The following CNTN4 variants were observed in gnomAD, a reference collection of about 807,000 sequenced individuals.
The protein encoded by CNTN4 is contactin 4, also known as contactin-4.
CNTN4 carries 77 observed loss-of-function variants against 122.5 expected under a neutral mutation model. The observed-to-expected ratio is 0.63, with a 90% confidence interval of 0.52 to 0.76. The LOEUF (loss-of-function observed/expected upper bound fraction) is 0.76. CNTN4 is among the 30% of genes least tolerant of loss of function. The pLI is 0.00. For missense variants in CNTN4, 1,256 were observed against 1,259.1 expected (o/e 1.00, Z 0.04); for synonymous variants, 512 against 447.0 (o/e 1.15, Z -1.83).
At chr3:2,330,978 G>A (rs2043694231) in intron 2 of CNTN4, among the ~76,000 whole-genome samples, 1 of 152,134 alleles carries the variant, frequency 6.6e-6, no homozygotes, top group Admixed American at 6.5e-5. Flanking sequence ...GTTGTGGAAT[G>A]TCAAAAATTG....
intron 13 of CNTN4, among the ~76,000 whole-genome samples, chr3:2,955,545 C>A (rs1443912997): frequency 6.6e-6 from 1 of 152,088 alleles, no homozygotes; most frequent in Non-Finnish European, 1.5e-5. Context: ...CCAGAAAGTC[C>A]CAGGAAAAGT....
At chr3:2,951,375 A>G (rs2094742382) in intron 13 of CNTN4, among the ~76,000 whole-genome samples, 1 of 152,190 alleles carries the variant, frequency 6.6e-6, no homozygotes, top group African/African-American at 2.4e-5. Context: ...AATAGGGTTC[A>G]GGTCCTGTCC....
chr3:2,883,296 G>C (rs748911212), intron 9 of CNTN4, 49 bp downstream of exon 9: 1 of 1,408,462 alleles, frequency 7.1e-7, no homozygotes, highest in Admixed American at 1.8e-5. Flanking sequence ...GCTTGAGCAG[G>C]TATAGAGTTT....
chr3:2,442,055 A>G (rs1412353868), intron 3 of CNTN4, among the ~76,000 whole-genome samples: 1 of 152,184 alleles, frequency 6.6e-6, no homozygotes, highest in South Asian at 2.1e-4. Flanking sequence ...GAAAACCACC[A>G]GGGGATTTAA....
intron 14 of CNTN4, among the ~76,000 whole-genome samples, chr3:2,999,987 G>A (rs1229911530): frequency 6.6e-6 from 1 of 152,090 alleles, no homozygotes; most frequent in Non-Finnish European, 1.5e-5. Flanking sequence ...CTAAATATCA[G>A]AAGTAGTATT....
intron 4 of CNTN4, among the ~76,000 whole-genome samples, chr3:2,681,134 C>T (rs79716959): frequency 0.014 from 2,098 of 152,270 alleles, 54 homozygotes; most frequent in African/African-American, 0.048. Context: ...CTGCGAGATA[C>T]GGCCCGCCAC....
intron 6 of CNTN4, among the ~76,000 whole-genome samples, 186 bp downstream of exon 6, chr3:2,745,883 T>C (rs1164753180): frequency 2.0e-5 from 3 of 152,214 alleles, no homozygotes; most frequent in Non-Finnish European, 2.9e-5. Context: ...AGTGAGAAGA[T>C]GTATTCTTCT....
chr3:2,196,154 C>CAGGCTGGA (rs2037822642), intron 2 of CNTN4, among the ~76,000 whole-genome samples: 1 of 152,112 alleles, frequency 6.6e-6, no homozygotes, highest in Admixed American at 6.5e-5. Context: ...GTAAAGGGAA[C>CAGGCTGGA]AGGCTGGAAT....
intron 12 of CNTN4, among the ~76,000 whole-genome samples, chr3:2,910,126 C>A (rs1456445584): frequency 6.6e-6 from 1 of 152,200 alleles, no homozygotes. Context: ...TCTTGACAGA[C>A]TACCATGTGA....
intron 2 of CNTN4, among the ~76,000 whole-genome samples, chr3:2,304,042 G>C (rs192962211): frequency 2.0e-5 from 3 of 152,282 alleles, no homozygotes; most frequent in Non-Finnish European, 2.9e-5. Flanking sequence ...TTACATATAA[G>C]TAGGTAAGAT....
chr3:2,278,861 T>C (rs2041615623), intron 2 of CNTN4, among the ~76,000 whole-genome samples: 1 of 150,866 alleles, frequency 6.6e-6, no homozygotes, highest in African/African-American at 2.5e-5. Flanking sequence ...TGGATGATTG[T>C]CACTACTGTT....
chr3:2,558,153 G>A (rs1164594071), intron 3 of CNTN4, among the ~76,000 whole-genome samples: 1 of 152,186 alleles, frequency 6.6e-6, no homozygotes, highest in African/African-American at 2.4e-5. Context: ...TTGCAAAAAT[G>A]TCAGCGTTTC....
At chr3:2,667,475 T>C (rs1161199664) in intron 4 of CNTN4, among the ~76,000 whole-genome samples, 1 of 152,184 alleles carries the variant, frequency 6.6e-6, no homozygotes, top group Non-Finnish European at 1.5e-5. Context: ...GAGTTCCTTG[T>C]AGATTCTGGA....
intron 7 of CNTN4, among the ~76,000 whole-genome samples, chr3:2,835,665 C>G (rs2093209138): frequency 6.6e-6 from 1 of 152,040 alleles, no homozygotes; most frequent in South Asian, 2.1e-4. Context: ...CTGATACCTA[C>G]TGGGTCAAAG....
chr3:2,776,500 A>G (rs2091323695), intron 6 of CNTN4, among the ~76,000 whole-genome samples: 2 of 152,136 alleles, frequency 1.3e-5, no homozygotes, highest in African/African-American at 2.4e-5. Context: ...TAAGAGGTCA[A>G]GCTCTGTGAC....
At chr3:2,747,811 C>A (rs140579501) in intron 6 of CNTN4, among the ~76,000 whole-genome samples, 1 of 152,304 alleles carries the variant, frequency 6.6e-6, no homozygotes, top group African/African-American at 2.4e-5. Flanking sequence ...TTCACCAATT[C>A]ATCACGAGGC....
intron 3 of CNTN4, among the ~76,000 whole-genome samples, chr3:2,461,183 CCTGT>C (rs1332454572): frequency 1.3e-5 from 2 of 152,030 alleles, no homozygotes; most frequent in African/African-American, 4.8e-5. Context: ...GGTCATTTCC[CCTGT>C]CTGTGTTCTC....
At chr3:2,208,595 G>T (rs1424042141) in intron 2 of CNTN4, among the ~76,000 whole-genome samples, 1 of 152,098 alleles carries the variant, frequency 6.6e-6, no homozygotes, top group Non-Finnish European at 1.5e-5. Flanking sequence ...AGAATTGACT[G>T]CATTTTGAAT....
At chr3:2,618,157 A>G (rs1311323375) in intron 4 of CNTN4, among the ~76,000 whole-genome samples, 1 of 152,066 alleles carries the variant, frequency 6.6e-6, no homozygotes, top group Non-Finnish European at 1.5e-5. Context: ...TAATGCTTAG[A>G]ACCATCCTGG....
Sources: gnomAD v4.1 joint callset for allele counts (sites outside exome capture counted in the v4.1 genomes callset) on GRCh38, gnomAD v4.1.1 for gene constraint, MANE v1.5 for transcripts, NCBI Gene and HGNC (gene_info 2026-07-23, HGNC 2026-07-21) for gene names.